MRPL42: variants seen among roughly 807,000 people sequenced by gnomAD.
The protein encoded by MRPL42 is mitochondrial ribosomal protein L42, also known as large ribosomal subunit protein mL42.
Under a neutral mutation model 17.9 loss-of-function variants are expected in MRPL42, and 17 were observed. The ratio of observed to expected loss-of-function variants is 0.95; its 90% CI spans 0.65 to 1.42. MRPL42 has a LOEUF of 1.42. Among genes scored for constraint, MRPL42 ranks in the 40% most tolerant of loss-of-function variants. The pLI is 0.00. For synonymous variants in MRPL42, 59 were observed against 54.4 expected, an observed-to-expected ratio of 1.08 and a Z score of -0.37; for missense variants, 177 against 175.2, an observed-to-expected ratio of 1.01 and a Z score of -0.06.
At chr12:93,492,326 G>A (rs1953430552) in intron 5 of MRPL42, among the ~76,000 whole-genome samples, 1 of 152,100 alleles carries the variant, frequency 6.6e-6, no homozygotes, top group Non-Finnish European at 1.5e-5. Context: ...ACTAGTATCA[G>A]CTGGTATCAC....
rs966307543 is a variant in MRPL42, at chr12:93,510,842, A to T, written c.*9621A>T. On this transcript the variant is annotated 3_prime_UTR_variant, in exon 6 of 6. Coordinates refer to ENST00000549982, the MANE Select transcript of MRPL42 (RefSeq NM_014050.4). ...ATCTTTTGTCAGATATATGCACTGGAAATATTTTTATGGGGGACCAGTGTT... is the reference window on the plus strand; with the variant it reads ...ATCTTTTGTCAGATATATGCACTGGTAATATTTTTATGGGGGACCAGTGTT... 2.0e-5 allele frequency: 3 copies of T among 152,204 alleles called. No homozygotes were observed. Among genetic ancestry groups the T allele is most frequent in the Non-Finnish European group, 4.4e-5 (3 of 68,040 alleles). 9.4% of individuals were successfully genotyped at this position (152,204 alleles called of 1,614,324 possible). A position where few individuals can be genotyped will look rare whatever the true frequency, so the allele number is the denominator to read the frequency against.
At chr12:93,494,255 C>T (rs141598937) in intron 5 of MRPL42, among the ~76,000 whole-genome samples, 23 of 152,238 alleles carry the variant, frequency 1.5e-4, no homozygotes, top group South Asian at 1.0e-3. Context: ...CTGGCTGCTA[C>T]GCTACAAACA....
chr12:93,483,838 A>C (rs1880581034), intron 4 of MRPL42, among the ~76,000 whole-genome samples: 1 of 152,236 alleles, frequency 6.6e-6, no homozygotes, highest in African/African-American at 2.4e-5. Flanking sequence ...AATAACACTT[A>C]GCTTAAAATA....
In MRPL42 at chr12:93,504,748, G is replaced by A. The variant is rs7972620; in HGVS notation, c.*3527G>A. 0.67 allele frequency: 101,981 copies of A among 151,992 alleles called. 34,450 individuals carry two copies. The highest frequency in any genetic ancestry group is 0.72 in the Middle Eastern group (212 of 294). The allele number at this position is 151,992 out of a possible 1,614,324, so 9.4% of individuals were successfully genotyped here. ...CTAAAATGTAACTTCTTTAGATTCT[G>A]TTGTTACGTGCAACACTGTATATCT... On this transcript the variant is annotated 3_prime_UTR_variant, in exon 6 of 6. Coordinates refer to ENST00000549982, the MANE Select transcript of MRPL42 (RefSeq NM_014050.4).
chr12:93,510,111 A>G lies in MRPL42; in HGVS notation c.*8890A>G, dbSNP rs1953712639. On this transcript the variant is annotated 3_prime_UTR_variant, in exon 6 of 6. Coordinates refer to ENST00000549982, the MANE Select transcript of MRPL42 (RefSeq NM_014050.4). ...TCTGCCTCTTCGTCGTGTCCTCCCC[A>G]CTGACCCCCGGCTACCACTGGTCTT... The G allele has an allele frequency of 6.6e-6, 1 of 152,382 alleles. No homozygotes were observed. The highest frequency in any genetic ancestry group is 2.4e-5 in the African/African-American group (1 of 41,352). The allele number at this position is 152,382 out of a possible 1,614,324, so 9.4% of individuals were successfully genotyped here. A position where few individuals can be genotyped will look rare whatever the true frequency, so the allele number is the denominator to read the frequency against.
At chr12:93,479,606 A>G (rs1183194913) in intron 4 of MRPL42, 134 bp downstream of exon 4, 7 of 449,210 alleles carry the variant, frequency 1.6e-5, no homozygotes, top group South Asian at 5.7e-5. Context: ...TAATTTTACT[A>G]TTTTGATTTT....
chr12:93,496,994 A>G (rs1249017171), intron 5 of MRPL42, among the ~76,000 whole-genome samples: 1 of 152,162 alleles, frequency 6.6e-6, no homozygotes, highest in African/African-American at 2.4e-5. Flanking sequence ...ATTCCTGAAA[A>G]CATACAACCT....
rs771766508 is a variant in MRPL42 at position 93,516,149 on chromosome 12, C to A, written c.*14928C>A. On this transcript the variant is annotated 3_prime_UTR_variant, in exon 6 of 6. Transcript: ENST00000549982. Reference sequence around the variant, plus strand: ...CTAAACACTCTCATACTGAGACACCCCATGGTTCCCTATGTTGTGTGTTCT... The same window carrying A: ...CTAAACACTCTCATACTGAGACACCACATGGTTCCCTATGTTGTGTGTTCT... The A allele has an allele frequency of 6.6e-6, 1 of 152,192 alleles. No individual in the cohort carries two copies. Among genetic ancestry groups the A allele is most frequent in the African/African-American group, 2.4e-5 (1 of 41,444 alleles). The allele number at this position is 152,192 out of a possible 1,614,324, so 9.4% of individuals were successfully genotyped here.
At chr12:93,467,780 C>G (rs1384418242) in intron 1 of MRPL42, among the ~76,000 whole-genome samples, 1 of 152,224 alleles carries the variant, frequency 6.6e-6, no homozygotes, top group African/African-American at 2.4e-5. Context: ...GGTGATGCAG[C>G]TTGTGGCTCT....
intron 2 of MRPL42, among the ~76,000 whole-genome samples, chr12:93,474,856 C>G (rs929966672): frequency 9.1e-6 from 1 of 109,944 alleles, no homozygotes; most frequent in Non-Finnish European, 2.1e-5. Context: ...TTTGGGAGGC[C>G]AAGGCGGGCT....
intron 4 of MRPL42, among the ~76,000 whole-genome samples, chr12:93,486,026 A>G (rs1437086812): frequency 6.6e-6 from 1 of 151,994 alleles, no homozygotes; most frequent in Non-Finnish European, 1.5e-5. Context: ...AATTTTTTGT[A>G]GAGATGTTGC....
At position 93,485,011 on chromosome 12, in the gene MRPL42, T is replaced by TACACATATATATATATATACAC. The variant is rs1293055823; in HGVS notation, c.220-2485_220-2484insCACATATATATATATATACACA. Among the ~76,000 whole-genome samples, 33 of 63,518 alleles carry TACACATATATATATATATACAC rather than the reference T, an allele frequency of 5.2e-4. 7 individuals carry two copies. The highest frequency in any genetic ancestry group is 9.8e-4 in the Non-Finnish European group (26 of 26,530). The allele number at this position is 63,518 out of a possible 152,430, so 41.7% of individuals were successfully genotyped here. On this transcript the variant is annotated intron_variant, in intron 4 of 5. Transcript: ENST00000549982. ...ATATATATATATATATATATATATA[T>TACACATATATATATATATACAC]ATATATATATATATATAAACAGAGA...
intron 2 of MRPL42, among the ~76,000 whole-genome samples, chr12:93,473,847 C>A (rs569925737): frequency 6.6e-5 from 10 of 152,206 alleles, no homozygotes; most frequent in South Asian, 6.2e-4. Context: ...GTATTACAGG[C>A]GTGAGCCACC....
intron 4 of MRPL42, among the ~76,000 whole-genome samples, chr12:93,483,957 A>G (rs1349322645): frequency 6.6e-6 from 1 of 152,134 alleles, no homozygotes; most frequent in Admixed American, 6.6e-5. Flanking sequence ...GAACTAAGAC[A>G]CAAACACAGT....
intron 4 of MRPL42, among the ~76,000 whole-genome samples, chr12:93,484,278 A>T (rs1032145936): frequency 1.3e-5 from 2 of 152,152 alleles, no homozygotes; most frequent in Non-Finnish European, 2.9e-5. Flanking sequence ...GGGTCTCACT[A>T]CATGTTACTC....
chr12:93,482,682 C>T (rs943523920), intron 4 of MRPL42, among the ~76,000 whole-genome samples: 1 of 152,102 alleles, frequency 6.6e-6, no homozygotes, highest in Non-Finnish European at 1.5e-5. Flanking sequence ...GTAACATGGG[C>T]TCAAGCAATC....
intron 1 of MRPL42, among the ~76,000 whole-genome samples, 186 bp downstream of exon 1, chr12:93,467,740 C>G (rs1202889236): frequency 6.6e-6 from 1 of 152,194 alleles, no homozygotes; most frequent in African/African-American, 2.4e-5. Flanking sequence ...TATAGCGCCC[C>G]CTTTGTTCCC....
At chr12:93,491,261 C>G (rs1374525219) in intron 5 of MRPL42, among the ~76,000 whole-genome samples, 5 of 152,196 alleles carry the variant, frequency 3.3e-5, no homozygotes, top group Non-Finnish European at 7.3e-5. Flanking sequence ...GAAGTGTTCT[C>G]TATTTCTGTG....
Position 93,469,273 on chromosome 12 carries a change from A to G in MRPL42, c.-13A>G, listed in dbSNP as rs754538849. The G allele has an allele frequency of 5.0e-6, 8 of 1,599,472 alleles. No homozygotes were observed. The South Asian group carries it at 6.8e-5, about 14-fold the overall frequency. On this transcript the variant is annotated 5_prime_UTR_variant, in exon 2 of 6. Transcript: ENST00000549982. ...TCTTTTTTCATACCACTTGATAAGC[A>G]TCTTGAAACACCATGGCTGTAGCTG... is the stretch of plus-strand genomic sequence containing the variant.
Sources: allele counts gnomAD v4.1 joint callset (sites outside exome capture counted in the v4.1 genomes callset), GRCh38; gene constraint gnomAD v4.1.1; transcripts MANE v1.5; gene names NCBI Gene and HGNC (gene_info 2026-07-23, HGNC 2026-07-21).